The following RARB variants were observed in gnomAD, a reference collection of about 807,000 sequenced individuals.
RARB encodes the protein retinoic acid receptor beta, also known as HBV-activated protein.
A neutral mutation model predicts 51.9 loss-of-function variants in RARB; 17 were observed. The ratio of observed to expected loss-of-function variants is 0.33; its 90% CI spans 0.22 to 0.49. The LOEUF is 0.49. Ranked by LOEUF, RARB falls within the 20% of genes least tolerant of loss-of-function variation. RARB has a pLI of 0.99. For missense variants in RARB, 369 were observed against 550.8 expected (o/e 0.67, Z 3.30); for synonymous variants, 215 against 195.4 (o/e 1.10, Z -0.84).
chr3:25,022,256 C>T (rs1324741778), intron 2 of RARB, among the ~76,000 whole-genome samples: 1 of 152,184 alleles, frequency 6.6e-6, no homozygotes, highest in Non-Finnish European at 1.5e-5. Context: ...TCATTACTCA[C>T]CCTAAGGGTA....
At position 25,086,590 on chromosome 3, in the gene RARB, G is replaced by T. The variant is rs940213054; in HGVS notation, c.-328+26414G>T. On this transcript the variant is annotated intron_variant, in intron 3 of 11. Coordinates refer to the RARB transcript ENST00000383772. Reference sequence around the variant, plus strand: ...CTGAGAACATGTGTCCAAGGTGGTTGGGTTACAGCTTGGTTTTATGTGTTT... The same window carrying T: ...CTGAGAACATGTGTCCAAGGTGGTTTGGTTACAGCTTGGTTTTATGTGTTT... Among the ~76,000 whole-genome samples, 7 of 152,212 alleles carry T rather than the reference G, an allele frequency of 4.6e-5. No homozygotes were observed. In the East Asian group the frequency reaches 1.4e-3, roughly 29 times the overall value.
At chr3:25,576,966 G>A (rs773097062) in intron 4 of RARB, among the ~76,000 whole-genome samples, 8 of 152,150 alleles carry the variant, frequency 5.3e-5, no homozygotes, top group African/African-American at 9.7e-5. Context: ...GATGTTGGCC[G>A]GCACATAACA....
intron 5 of RARB, among the ~76,000 whole-genome samples, chr3:25,298,155 C>T (rs1244133113): frequency 6.6e-6 from 1 of 150,540 alleles, no homozygotes; most frequent in Non-Finnish European, 1.5e-5. Context: ...TAAACACTCA[C>T]GTAATTTTAT....
chr3:24,927,526 C>A (rs17015478), intron 2 of RARB, among the ~76,000 whole-genome samples: 4 of 151,886 alleles, frequency 2.6e-5, no homozygotes, highest in Non-Finnish European at 5.9e-5. Flanking sequence ...AATTATCAGG[C>A]CTTAAAAATT....
intron 2 of RARB, among the ~76,000 whole-genome samples, chr3:25,027,878 T>G (rs1003943515): frequency 8.5e-5 from 13 of 152,176 alleles, no homozygotes; most frequent in Admixed American, 2.6e-4. Flanking sequence ...GGGTGCCTGG[T>G]TGCTGTGCTC....
chr3:25,542,135 T>C (rs1699409198), intron 3 of RARB, among the ~76,000 whole-genome samples: 1 of 152,260 alleles, frequency 6.6e-6, no homozygotes, highest in African/African-American at 2.4e-5. Context: ...TGCTATCAGC[T>C]AATGCTGATC....
intron 1 of RARB, among the ~76,000 whole-genome samples, chr3:24,856,397 A>G (rs1702637232): frequency 1.3e-5 from 2 of 152,332 alleles, no homozygotes; most frequent in African/African-American, 4.8e-5. Context: ...TGATAAAAGT[A>G]ACTCTGAGGT....
At chr3:24,906,099 G>A (rs140065530) in intron 2 of RARB, among the ~76,000 whole-genome samples, 8 of 152,276 alleles carry the variant, frequency 5.3e-5, no homozygotes, top group African/African-American at 1.2e-4. Context: ...AATCAAAGTC[G>A]AGACAGCCAA....
chr3:25,015,607 A>G (rs899199503), intron 2 of RARB, among the ~76,000 whole-genome samples: 7 of 152,162 alleles, frequency 4.6e-5, no homozygotes, highest in South Asian at 4.1e-4. Flanking sequence ...GACATTGCCA[A>G]TGAAATGAGC....
intron 5 of RARB, among the ~76,000 whole-genome samples, chr3:25,209,667 T>A (rs1701643991): frequency 6.6e-6 from 1 of 152,194 alleles, no homozygotes; most frequent in Non-Finnish European, 1.5e-5. Flanking sequence ...AGAGCAGACC[T>A]CAGTTTTATG....
chr3:24,881,483 G>T (rs1156752801), intron 2 of RARB, among the ~76,000 whole-genome samples: 1 of 152,188 alleles, frequency 6.6e-6, no homozygotes, highest in Admixed American at 6.5e-5. Flanking sequence ...TCCAGGTTGA[G>T]TGAACTCATT....
At chr3:25,127,324 T>C (rs1699876642) in intron 3 of RARB, among the ~76,000 whole-genome samples, 1 of 152,128 alleles carries the variant, frequency 6.6e-6, no homozygotes, top group Admixed American at 6.6e-5. Flanking sequence ...CAGCCTTCTA[T>C]CAACTCCTTG....
At chr3:24,975,492 A>T (rs138988280) in intron 2 of RARB, among the ~76,000 whole-genome samples, 146 of 152,226 alleles carry the variant, frequency 9.6e-4, no homozygotes, top group African/African-American at 3.4e-3. Flanking sequence ...ATGAGATGCA[A>T]ATTTGTTCAT....
At chr3:25,131,077 T>C (rs1699945530) in intron 3 of RARB, among the ~76,000 whole-genome samples, 1 of 151,772 alleles carries the variant, frequency 6.6e-6, no homozygotes, top group Non-Finnish European at 1.5e-5. Context: ...CAAAACTCTC[T>C]GTTTATGTGG....
intron 4 of RARB, among the ~76,000 whole-genome samples, chr3:25,579,229 T>C (rs973786095): frequency 6.6e-6 from 1 of 152,216 alleles, no homozygotes; most frequent in African/African-American, 2.4e-5. Context: ...CAGTATATTT[T>C]ACATAATGTA....
Position 25,294,501 on chromosome 3 carries a change from G to C in RARB, c.178+119926G>C, listed in dbSNP as rs1183147235. Among the ~76,000 whole-genome samples, 4 of 152,178 alleles carry C rather than the reference G, an allele frequency of 2.6e-5. 1 individual carries two copies. In the East Asian group the frequency reaches 7.7e-4, roughly 29 times the overall value. ...GAGCTAAAAGAGGAAACTGCAGAAT[G>C]GGGCCACCCAGACATTAGCTACAAC... On this transcript the variant is annotated intron_variant, in intron 5 of 11. Coordinates refer to the RARB transcript ENST00000383772.
At chr3:25,329,320 C>T (rs1025165314) in intron 5 of RARB, among the ~76,000 whole-genome samples, 15 of 152,252 alleles carry the variant, frequency 9.9e-5, no homozygotes, top group South Asian at 8.3e-4. Flanking sequence ...CCCTCTGAGA[C>T]GAAGCTTCCA....
chr3:25,342,360 C>CA lies in RARB; in HGVS notation c.179-118827dup, dbSNP rs1396085769. Among the ~76,000 whole-genome samples, 4 of 152,292 alleles carry CA rather than the reference C, an allele frequency of 2.6e-5. No individual in the cohort carries two copies. In the South Asian group the frequency reaches 8.3e-4, roughly 32 times the overall value. On this transcript the variant is annotated intron_variant, in intron 5 of 11. Coordinates refer to the RARB transcript ENST00000383772. ...AAAGGAACTTGGATGCCAACCCTTT[C>CA]AAAAAATCTCTGGGAGTTGAACCAG... is the stretch of plus-strand genomic sequence containing the variant.
intron 5 of RARB, chr3:25,174,603 T>C: frequency 7.4e-7 from 1 of 1,350,620 alleles, no homozygotes; most frequent in South Asian, 1.1e-5. Flanking sequence ...TTGCTCTCTT[T>C]TCTCTGGGTT....
Sources: allele counts gnomAD v4.1 joint callset (sites outside exome capture counted in the v4.1 genomes callset), GRCh38; gene constraint gnomAD v4.1.1; transcripts MANE v1.5; gene names NCBI Gene and HGNC (gene_info 2026-07-23, HGNC 2026-07-21).